Variants in SHTN1 observed in about 807,000 individuals in gnomAD.
SHTN1 encodes the protein shootin-1.
Under a neutral mutation model 83.1 loss-of-function variants are expected in SHTN1, and 42 were observed. That is an observed-to-expected ratio of 0.51 (90% CI 0.39 to 0.65). SHTN1 has a LOEUF of 0.65. Ranked by LOEUF, SHTN1 falls within the 30% of genes least tolerant of loss-of-function variation. The pLI is 0.00. For missense variants in SHTN1, 622 were observed against 737.8 expected, an observed-to-expected ratio of 0.84 and a Z score of 1.82; for synonymous variants, 224 against 247.7, an observed-to-expected ratio of 0.90 and a Z score of 0.90.
At chr10:116,937,139 T>C (rs908122492) in intron 9 of SHTN1, among the ~76,000 whole-genome samples, 7 of 152,354 alleles carry the variant, frequency 4.6e-5, no homozygotes, top group African/African-American at 1.2e-4. Context: ...TGTCTTTTAA[T>C]TGGGGGCATT....
At chr10:117,011,524 G>T (rs1852103274) in intron 2 of SHTN1, among the ~76,000 whole-genome samples, 1 of 152,146 alleles carries the variant, frequency 6.6e-6, no homozygotes, top group Admixed American at 6.5e-5. Flanking sequence ...AAATACCAAA[G>T]AATTTCTTTA....
intron 1 of SHTN1, among the ~76,000 whole-genome samples, chr10:117,052,227 T>C (rs917324168): frequency 6.6e-6 from 1 of 151,664 alleles, no homozygotes; most frequent in African/African-American, 2.4e-5. Flanking sequence ...CCCAAGGAGA[T>C]GTAAGATTTG....
intron 1 of SHTN1, among the ~76,000 whole-genome samples, chr10:117,113,179 A>G (rs1853791845): frequency 6.6e-6 from 1 of 152,226 alleles, no homozygotes; most frequent in African/African-American, 2.4e-5. Context: ...ATTCTTTGAG[A>G]AAGCCTACAC....
At chr10:116,991,201 A>C (rs923768472) in intron 1 of SHTN1, among the ~76,000 whole-genome samples, 1 of 151,538 alleles carries the variant, frequency 6.6e-6, no homozygotes. Context: ...AGAAAAAAAA[A>C]GAAGGGCTTC....
chr10:116,960,092 G>T, intron 4 of SHTN1, 44 bp downstream of exon 4: 1 of 1,207,588 alleles, frequency 8.3e-7, no homozygotes. Flanking sequence ...AAAGCAAGTT[G>T]AAATTTAAAA....
chr10:116,893,797 G>C (rs540397056), intron 16 of SHTN1, among the ~76,000 whole-genome samples: 6 of 152,060 alleles, frequency 3.9e-5, no homozygotes, highest in Non-Finnish European at 8.8e-5. Flanking sequence ...TAATTAGTTT[G>C]AGAGAATAAT....
intron 3 of SHTN1, among the ~76,000 whole-genome samples, chr10:116,967,832 A>C (rs1309664725): frequency 6.6e-6 from 1 of 152,206 alleles, no homozygotes; most frequent in East Asian, 1.9e-4. Flanking sequence ...TGTCAATGAA[A>C]GAATAATTAA....
At chr10:116,993,581 G>A (rs1851521600) in intron 1 of SHTN1, among the ~76,000 whole-genome samples, 1 of 152,096 alleles carries the variant, frequency 6.6e-6, no homozygotes, top group Non-Finnish European at 1.5e-5. Flanking sequence ...TAACTTTAGA[G>A]TTCTTGCTTG....
intron 4 of SHTN1, among the ~76,000 whole-genome samples, chr10:116,958,746 AATT>A (rs1188894074): frequency 2.0e-5 from 3 of 152,208 alleles, no homozygotes; most frequent in South Asian, 2.1e-4. Context: ...TATGCAAATA[AATT>A]ATTAACTCCA....
intron 14 of SHTN1, 97 bp downstream of exon 14, chr10:116,911,693 A>G (rs1848205069): frequency 6.3e-7 from 1 of 1,580,716 alleles, no homozygotes; most frequent in African/African-American, 1.3e-5. Flanking sequence ...GTAAATGGGA[A>G]TAAAACACAC....
At chr10:116,984,577 C>T (rs983423685) in intron 1 of SHTN1, among the ~76,000 whole-genome samples, 3 of 152,138 alleles carry the variant, frequency 2.0e-5, no homozygotes, top group Non-Finnish European at 2.9e-5. Flanking sequence ...GCAGGATCAC[C>T]CTTGAGTTCC....
intron 16 of SHTN1, among the ~76,000 whole-genome samples, chr10:116,891,589 C>T (rs1348248778): frequency 1.3e-5 from 2 of 152,168 alleles, no homozygotes; most frequent in African/African-American, 4.8e-5. Context: ...TATATTTTCT[C>T]TGGTGTAAAA....
rs78799641 is a variant in SHTN1, at chr10:116,943,678, C to G, written c.711+1246G>C. Among the ~76,000 whole-genome samples, 359 of 152,326 alleles carry G rather than the reference C, an allele frequency of 2.4e-3. 1 individual carries two copies. Among genetic ancestry groups the G allele is most frequent in the African/African-American group, 7.9e-3 (328 of 41,584 alleles). On this transcript the variant is annotated intron_variant, in intron 8 of 16. Transcript: ENST00000355371. ...TCGGTAGAGTTCACTGCTAGCACAGCTATGCTCAAGCACAGAAAGACCCCC... is the reference window on the plus strand; with the variant it reads ...TCGGTAGAGTTCACTGCTAGCACAGGTATGCTCAAGCACAGAAAGACCCCC...
chr10:117,013,247 TCA>T (rs1317285813), intron 2 of SHTN1, among the ~76,000 whole-genome samples: 3 of 152,186 alleles, frequency 2.0e-5, no homozygotes, highest in Non-Finnish European at 4.4e-5. Context: ...CCATCTCGGC[TCA>T]CTGCAACCTC....
intron 1 of SHTN1, among the ~76,000 whole-genome samples, chr10:117,099,577 T>C (rs1048035979): frequency 6.6e-6 from 1 of 152,136 alleles, no homozygotes; most frequent in Admixed American, 6.5e-5. Context: ...ATTCCAAAAC[T>C]CACATTCTTT....
chr10:116,967,247 C>A lies in SHTN1; in HGVS notation c.172+1405G>T, dbSNP rs375837397. On this transcript the variant is annotated intron_variant, in intron 3 of 16. Coordinates refer to ENST00000355371, the MANE Select transcript of SHTN1 (RefSeq NM_001127211.3). ...TCCATCTGGTCCCTCTGGGTCTGATCAGCTATGCTGTCTTAGGGGATAAAT... is the reference window on the plus strand; with the variant it reads ...TCCATCTGGTCCCTCTGGGTCTGATAAGCTATGCTGTCTTAGGGGATAAAT... 9.6e-4 allele frequency among the ~76,000 whole-genome samples: 146 copies of A among 152,224 alleles called. 4 individuals are homozygous for A. In the South Asian group the frequency reaches 0.013, roughly 14 times the overall value.
At position 116,881,508 on chromosome 10, in the gene SHTN1, T is replaced by C; in HGVS notation, c.*4836A>G. Reference sequence around the variant, plus strand: ...TAGACAGTAAACTTTATTGTTACTTTAAATAGGTTTCAAAGAAGAACACAC... The same window carrying C: ...TAGACAGTAAACTTTATTGTTACTTCAAATAGGTTTCAAAGAAGAACACAC... On this transcript the variant is annotated 3_prime_UTR_variant, in exon 17 of 17. Transcript: ENST00000355371. 1 of 1,533,252 alleles carries C rather than the reference T, an allele frequency of 6.5e-7. No homozygotes were observed. Among genetic ancestry groups the C allele is most frequent in the Non-Finnish European group, 8.8e-7 (1 of 1,140,384 alleles). The allele number at this position is 1,533,252 out of a possible 1,614,324, so 95.0% of individuals were successfully genotyped here.
chr10:117,120,056 AG>A (rs1853901462), intron 1 of SHTN1, among the ~76,000 whole-genome samples: 1 of 152,162 alleles, frequency 6.6e-6, no homozygotes. Flanking sequence ...GCAGTGGGGC[AG>A]GTAAGGATGG....
chr10:116,932,945 T>C (rs1849023500), intron 9 of SHTN1, among the ~76,000 whole-genome samples: 1 of 152,168 alleles, frequency 6.6e-6, no homozygotes. Flanking sequence ...AGCTGGACTT[T>C]TCAGAACCAA....
Sources: gnomAD v4.1 joint callset for allele counts (sites outside exome capture counted in the v4.1 genomes callset) on GRCh38, gnomAD v4.1.1 for gene constraint, MANE v1.5 for transcripts, NCBI Gene and HGNC (gene_info 2026-07-23, HGNC 2026-07-21) for gene names.